Variants in COL21A1 observed in about 807,000 individuals in gnomAD.
COL21A1 encodes the protein collagen alpha-1(XXI) chain.
Under a neutral mutation model 137.9 loss-of-function variants are expected in COL21A1, and 149 were observed. That is an observed-to-expected ratio of 1.08 (90% CI 0.95 to 1.24). The LOEUF (loss-of-function observed/expected upper bound fraction) is 1.24, where lower values mean the gene tolerates loss of function less well. Among genes scored for constraint, COL21A1 ranks in the 50% most tolerant of loss-of-function variants. The pLI is 0.00. For synonymous variants in COL21A1, 456 were observed against 391.5 expected (o/e 1.16, Z -1.95); for missense variants, 1,167 against 1,158.4 (o/e 1.01, Z -0.11).
At chr6:56,098,676 T>TATATATAAATATATAAATATATATAG in intron 17 of COL21A1, among the ~76,000 whole-genome samples, 1 of 64,474 alleles carries the variant, frequency 1.6e-5, no homozygotes, top group African/African-American at 6.3e-5. Flanking sequence ...AATATATATA[T>TATATATAAATATATAAATATATATAG]AAATATATAT....
chr6:56,107,039 G>A (rs1433320140), intron 16 of COL21A1, among the ~76,000 whole-genome samples: 4 of 151,942 alleles, frequency 2.6e-5, no homozygotes, highest in African/African-American at 7.2e-5. Flanking sequence ...CACCCACCTC[G>A]GCCTCCGAAA....
chr6:56,230,612 G>C (rs555773655), intron 1 of COL21A1, among the ~76,000 whole-genome samples: 2 of 151,732 alleles, frequency 1.3e-5, no homozygotes, highest in East Asian at 1.9e-4. Flanking sequence ...ATTTTTATCA[G>C]CCTTATTATT....
At chr6:56,126,415 T>C (rs1026496318) in intron 12 of COL21A1, 1 of 358,586 alleles carries the variant, frequency 2.8e-6, no homozygotes, top group Non-Finnish European at 5.1e-6. Context: ...CCACCTATTC[T>C]GAAAAAGTCT....
At chr6:56,373,802 T>C (rs2093994300) in intron 1 of COL21A1, among the ~76,000 whole-genome samples, 1 of 152,256 alleles carries the variant, frequency 6.6e-6, no homozygotes, top group Admixed American at 6.5e-5. Context: ...AATACATTAT[T>C]ATTAACCAGT....
chr6:56,326,363 A>G (rs1765090132), intron 1 of COL21A1, among the ~76,000 whole-genome samples: 1 of 151,758 alleles, frequency 6.6e-6, no homozygotes, highest in Non-Finnish European at 1.5e-5. Flanking sequence ...TATTAATTCA[A>G]ATAACCTGGA....
intron 1 of COL21A1, among the ~76,000 whole-genome samples, chr6:56,259,601 T>A (rs1763202338): frequency 6.6e-6 from 1 of 152,236 alleles, no homozygotes; most frequent in African/African-American, 2.4e-5. Flanking sequence ...GTTCTTGCAT[T>A]TATTTTTCTA....
chr6:56,121,554 A>G (rs1422600460), intron 16 of COL21A1, among the ~76,000 whole-genome samples: 5 of 139,064 alleles, frequency 3.6e-5, no homozygotes, highest in Admixed American at 3.0e-4. Context: ...ATTCATATGT[A>G]TATGTGTATA....
chr6:56,309,167 G>T (rs1221601640), intron 1 of COL21A1, among the ~76,000 whole-genome samples: 1 of 151,768 alleles, frequency 6.6e-6, no homozygotes, highest in Non-Finnish European at 1.5e-5. Flanking sequence ...TCAGCCTCCT[G>T]AGTAGCTGGG....
chr6:56,269,821 C>G (rs1359738934), intron 1 of COL21A1, among the ~76,000 whole-genome samples: 1 of 152,116 alleles, frequency 6.6e-6, no homozygotes, highest in Non-Finnish European at 1.5e-5. Context: ...ATCTCATATC[C>G]TTTCAAACCA....
At chr6:56,352,592 G>A (rs905858732) in intron 1 of COL21A1, among the ~76,000 whole-genome samples, 6 of 152,074 alleles carry the variant, frequency 3.9e-5, no homozygotes, top group Admixed American at 3.9e-4. Flanking sequence ...ATGAAAATTT[G>A]TATAGTAAAT....
rs150092773 is a variant in COL21A1 at position 56,140,768 on chromosome 6, A to G, written c.1542+1017T>C. ...TTTAGACCCACAATGACTAGGTCAA[A>G]TCAGAGTTTAACCCCAACAATGAAC... On this transcript the variant is annotated intron_variant, in intron 12 of 29. Coordinates refer to ENST00000244728, the MANE Select transcript of COL21A1 (RefSeq NM_030820.4). 4.6e-3 allele frequency among the ~76,000 whole-genome samples: 697 copies of G among 152,300 alleles called. 10 individuals carry two copies. The highest frequency in any genetic ancestry group is 0.016 in the African/African-American group (669 of 41,572).
chr6:56,224,018 G>A (rs1247714618), intron 1 of COL21A1, among the ~76,000 whole-genome samples: 4 of 152,030 alleles, frequency 2.6e-5, no homozygotes, highest in African/African-American at 7.2e-5. Flanking sequence ...TTTCCTGACT[G>A]GAATAAGAAA....
rs371058894 is a variant in COL21A1 at position 56,290,498 on chromosome 6, G to GTTTTTTTTTTTTTTTTTTTTTTTTTTTTT, written c.-39+103472_-39+103473insAAAAAAAAAAAAAAAAAAAAAAAAAAAAA. Among the ~76,000 whole-genome samples, 4 of 132,958 alleles carry GTTTTTTTTTTTTTTTTTTTTTTTTTTTTT rather than the reference G, an allele frequency of 3.0e-5. 1 individual carries two copies. Among genetic ancestry groups the GTTTTTTTTTTTTTTTTTTTTTTTTTTTTT allele is most frequent in the Admixed American group, 8.2e-5 (1 of 12,122 alleles). 87.2% of individuals were successfully genotyped at this position (132,958 alleles called of 152,430 possible). On this transcript the variant is annotated intron_variant, in intron 1 of 28. Coordinates refer to the COL21A1 transcript ENST00000370819. ...AGATGCATATTAGAATCACTTAGGA[G>GTTTTTTTTTTTTTTTTTTTTTTTTTTTTT]ATTTTTTTTTTTTTTTTTTGAGACG...
At chr6:56,157,187 T>C (rs1925180) in intron 9 of COL21A1, among the ~76,000 whole-genome samples, 111,081 of 151,532 alleles carry the variant, frequency 0.73, 41,138 homozygotes, top group East Asian at 0.86. Context: ...GCAAGTAAAG[T>C]ATTTTCCACT....
intron 12 of COL21A1, among the ~76,000 whole-genome samples, chr6:56,134,841 ACCATGATTGTGAGGCCCCCTC>A (rs1773856146): frequency 6.6e-6 from 1 of 152,052 alleles, no homozygotes; most frequent in Non-Finnish European, 1.5e-5. Context: ...CTTGCCTTCC[ACCATGATTGTGAGGCCCCCTC>A]CCATGATTGT....
chr6:56,130,535 A>G (rs1432068614), intron 12 of COL21A1, among the ~76,000 whole-genome samples: 1 of 152,130 alleles, frequency 6.6e-6, no homozygotes, highest in East Asian at 1.9e-4. Flanking sequence ...AGTCCAAGCT[A>G]TGACTTCCAT....
chr6:56,100,541 T>A (rs1253348863), intron 17 of COL21A1, among the ~76,000 whole-genome samples: 2 of 152,168 alleles, frequency 1.3e-5, no homozygotes, highest in African/African-American at 2.4e-5. Context: ...CTCCAAACCC[T>A]GGCTTTCTGA....
rs1225038412 is a variant in COL21A1 at position 56,260,636 on chromosome 6, G to A, written c.-38-77980C>T. ...AAGAAAGAGAGAGAGAGGAAGGAAG[G>A]AAGGAAGGAAGGAAGGAAGGAATGA... is the stretch of plus-strand genomic sequence containing the variant. On this transcript the variant is annotated intron_variant, in intron 1 of 28. Coordinates refer to the COL21A1 transcript ENST00000370819. Among the ~76,000 whole-genome samples, 45 of 34,988 alleles carry A rather than the reference G, an allele frequency of 1.3e-3. 1 individual carries two copies. The highest frequency in any genetic ancestry group is 1.9e-3 in the African/African-American group (16 of 8,586). The allele number at this position is 34,988 out of a possible 152,430, so 23.0% of individuals were successfully genotyped here.
At chr6:56,066,925 A>C (rs978087202) in intron 23 of COL21A1, among the ~76,000 whole-genome samples, 1 of 151,478 alleles carries the variant, frequency 6.6e-6, no homozygotes, top group African/African-American at 2.4e-5. Context: ...TTGCCATAAA[A>C]CAATTTCAAG....
Sources: gnomAD v4.1 joint callset for allele counts (sites outside exome capture counted in the v4.1 genomes callset) on GRCh38, gnomAD v4.1.1 for gene constraint, MANE v1.5 for transcripts, NCBI Gene and HGNC (gene_info 2026-07-23, HGNC 2026-07-21) for gene names.